Variants in ANO3 observed in about 807,000 individuals in gnomAD.
ANO3 encodes anoctamin 3, also known as anoctamin-3.
In ANO3, 99 loss-of-function variants were observed where a neutral mutation model predicts 144.8. The ratio of observed to expected loss-of-function variants is 0.68; its 90% CI spans 0.58 to 0.81. The LOEUF is 0.81. Among genes scored for constraint, ANO3 ranks in the 30% least tolerant of loss-of-function variants. The pLI is 0.00. For missense variants in ANO3, 905 were observed against 1,202.2 expected, an observed-to-expected ratio of 0.75 and a Z score of 3.66; for synonymous variants, 414 against 392.6, an observed-to-expected ratio of 1.05 and a Z score of -0.64.
rs1853919549 is a variant in ANO3, at chr11:26,290,048, T to A, written c.155-19597T>A. Among the ~76,000 whole-genome samples the A allele has an allele frequency of 2.0e-5, 3 of 152,074 alleles. No homozygotes were observed. The South Asian group carries it at 6.2e-4, about 32-fold the overall frequency. On this transcript the variant is annotated intron_variant, in intron 1 of 27. Transcript: ENST00000672621. ...GCGAATCCATCTGGTCCTGGACTTT[T>A]TTTAGTTGGTAGGCTATTAATTATT...
chr11:26,368,365 T>G (rs1856151573), intron 1 of ANO3, among the ~76,000 whole-genome samples: 1 of 152,212 alleles, frequency 6.6e-6, no homozygotes, highest in Non-Finnish European at 1.5e-5. Flanking sequence ...TAACAGAATT[T>G]TATAAATTAT....
intron 1 of ANO3, among the ~76,000 whole-genome samples, chr11:26,219,426 T>C (rs931232750): frequency 1.3e-5 from 2 of 152,166 alleles, no homozygotes; most frequent in Non-Finnish European, 2.9e-5. Flanking sequence ...GAAGAACTCT[T>C]TAGCAGTGCA....
chr11:26,488,987 T>G (rs1392382159), intron 4 of ANO3, among the ~76,000 whole-genome samples: 1 of 152,170 alleles, frequency 6.6e-6, no homozygotes, highest in Non-Finnish European at 1.5e-5. Flanking sequence ...TATAATCCTT[T>G]AGCTAGACAC....
chr11:26,519,653 C>T lies in ANO3; in HGVS notation c.692+2726C>T, dbSNP rs1468682819. On this transcript the variant is annotated intron_variant, in intron 6 of 26. Coordinates refer to ENST00000256737, the MANE Select transcript of ANO3 (RefSeq NM_031418.4). ...GGAGGGCTAGCTAGCTCTCTGCTCT[C>T]TCCTCCAATTCATGAGGATTCCACT... Among the ~76,000 whole-genome samples, 4 of 152,188 alleles carry T rather than the reference C, an allele frequency of 2.6e-5. No homozygotes were observed. The East Asian group carries it at 7.7e-4, about 29-fold the overall frequency.
chr11:26,444,482 A>C (rs1165629301), intron 3 of ANO3, among the ~76,000 whole-genome samples: 7 of 152,208 alleles, frequency 4.6e-5, no homozygotes, highest in African/African-American at 7.2e-5. Flanking sequence ...TGAAGCCCTG[A>C]GTTTTCAGTA....
At chr11:26,333,830 A>T (rs1855125677) in intron 1 of ANO3, among the ~76,000 whole-genome samples, 1 of 152,224 alleles carries the variant, frequency 6.6e-6, no homozygotes, top group East Asian at 1.9e-4. Flanking sequence ...AAACATTTCA[A>T]ATAAAGTTAA....
chr11:26,238,851 C>T (rs1331527854), intron 1 of ANO3, among the ~76,000 whole-genome samples: 1 of 151,868 alleles, frequency 6.6e-6, no homozygotes, highest in African/African-American at 2.4e-5. Flanking sequence ...ATATTTAATT[C>T]CTGCTCTATT....
At chr11:26,380,686 C>G (rs1856565728) in intron 1 of ANO3, among the ~76,000 whole-genome samples, 1 of 152,056 alleles carries the variant, frequency 6.6e-6, no homozygotes, top group African/African-American at 2.4e-5. Context: ...GCATTCATAC[C>G]ATAGCAGCAC....
intron 7 of ANO3, among the ~76,000 whole-genome samples, chr11:26,528,174 A>G (rs1267884324): frequency 6.6e-6 from 1 of 152,202 alleles, no homozygotes; most frequent in Non-Finnish European, 1.5e-5. Flanking sequence ...TATAAATCAT[A>G]TATCATTATA....
intron 4 of ANO3, among the ~76,000 whole-genome samples, chr11:26,501,888 G>A (rs979209387): frequency 3.3e-5 from 5 of 152,152 alleles, no homozygotes; most frequent in Admixed American, 6.5e-5. Context: ...CCATGTGAGA[G>A]GGTGGTATAA....
intron 1 of ANO3, among the ~76,000 whole-genome samples, chr11:26,319,782 T>C (rs982968189): frequency 1.3e-4 from 20 of 152,214 alleles, no homozygotes; most frequent in African/African-American, 4.3e-4. Context: ...ACCTTATTTA[T>C]TTATTTTTTA....
intron 17 of ANO3, among the ~76,000 whole-genome samples, chr11:26,603,231 T>C (rs114556926): frequency 0.011 from 1,676 of 152,248 alleles, 38 homozygotes; most frequent in African/African-American, 0.038. Context: ...TAGTGGCAAG[T>C]ATAGATCAAA....
chr11:26,234,987 G>C (rs561416925), intron 1 of ANO3, among the ~76,000 whole-genome samples: 24 of 149,774 alleles, frequency 1.6e-4, no homozygotes, highest in Non-Finnish European at 3.1e-4. Flanking sequence ...GTTAGACAGA[G>C]AGAGAGAGAA....
intron 14 of ANO3, among the ~76,000 whole-genome samples, chr11:26,589,571 G>T (rs1487292466): frequency 6.6e-6 from 1 of 152,004 alleles, no homozygotes; most frequent in Non-Finnish European, 1.5e-5. Flanking sequence ...AAGAAAGCAG[G>T]TCCCTGTTAA....
intron 10 of ANO3, among the ~76,000 whole-genome samples, chr11:26,539,463 C>A (rs1849592275): frequency 6.6e-6 from 1 of 152,126 alleles, no homozygotes; most frequent in Admixed American, 6.5e-5. Context: ...TAAAGTTTAG[C>A]ATATGAAGCC....
At chr11:26,267,645 T>C (rs1853344707) in intron 1 of ANO3, among the ~76,000 whole-genome samples, 1 of 152,218 alleles carries the variant, frequency 6.6e-6, no homozygotes, top group South Asian at 2.1e-4. Context: ...TGTTTTCCTC[T>C]TTTAAAAGTA....
chr11:26,190,382 C>G (rs552312436), intron 1 of ANO3, among the ~76,000 whole-genome samples: 70 of 151,902 alleles, frequency 4.6e-4, no homozygotes, highest in African/African-American at 1.7e-3. Flanking sequence ...ATAAGACATT[C>G]TTTTATAAAT....
At chr11:26,255,999 A>G (rs1343162880) in intron 1 of ANO3, among the ~76,000 whole-genome samples, 1 of 152,142 alleles carries the variant, frequency 6.6e-6, no homozygotes, top group Non-Finnish European at 1.5e-5. Flanking sequence ...ATGGTAAATT[A>G]TAAAAGGAGA....
At chr11:26,554,408 A>G (rs1344357720) in intron 13 of ANO3, among the ~76,000 whole-genome samples, 2 of 152,136 alleles carry the variant, frequency 1.3e-5, no homozygotes, top group African/African-American at 2.4e-5. Context: ...AAGTCCTTAT[A>G]TGGACAAATG....
Sources: allele counts gnomAD v4.1 joint callset (sites outside exome capture counted in the v4.1 genomes callset), GRCh38; gene constraint gnomAD v4.1.1; transcripts MANE v1.5; gene names NCBI Gene and HGNC (gene_info 2026-07-23, HGNC 2026-07-21).